SGIP1: variants seen among roughly 807,000 people sequenced by gnomAD.
SGIP1 encodes the protein SH3-containing GRB2-like protein 3-interacting protein 1.
A neutral mutation model predicts 107.5 loss-of-function variants in SGIP1; 38 were observed. The ratio of observed to expected loss-of-function variants is 0.35; its 90% CI spans 0.27 to 0.46. The LOEUF is 0.46. Ranked by LOEUF, SGIP1 falls within the 20% of genes least tolerant of loss-of-function variation. SGIP1 has a pLI of 1.00. For missense variants in SGIP1, 929 were observed against 1,019.5 expected (o/e 0.91, Z 1.21); for synonymous variants, 365 against 366.1 (o/e 1.00, Z 0.03).
At chr1:66,729,563 T>A in intron 20 of SGIP1, 144 bp downstream of exon 20, 2 of 1,115,422 alleles carry the variant, frequency 1.8e-6, no homozygotes, top group Non-Finnish European at 1.3e-6. Flanking sequence ...AGCACAGAAC[T>A]TTTACCAGCT....
chr1:66,741,575 C>T, intron 24 of SGIP1, 139 bp downstream of exon 24: 3 of 824,458 alleles, frequency 3.6e-6, no homozygotes, highest in Non-Finnish European at 3.5e-6. Flanking sequence ...AGAAAACCAA[C>T]CAATTATTGA....
At chr1:66,533,883 C>G (rs1369478390), upstream of SGIP1, among the ~76,000 whole-genome samples, 1 of 151,894 alleles carries the variant, frequency 6.6e-6, no homozygotes. Context: ...GGCACCCAGC[C>G]GCTTCTGTAA....
chr1:66,581,287 T>C (rs1036871408), intron 1 of SGIP1, among the ~76,000 whole-genome samples: 3 of 152,030 alleles, frequency 2.0e-5, no homozygotes, highest in Non-Finnish European at 2.9e-5. Context: ...GCTTGAAAAA[T>C]TACTAGTTAT....
At chr1:66,706,350 T>C (rs1040527754) in intron 18 of SGIP1, among the ~76,000 whole-genome samples, 1 of 140,428 alleles carries the variant, frequency 7.1e-6, no homozygotes, top group African/African-American at 2.6e-5. Flanking sequence ...AAAATATAAA[T>C]AAATATTTAT....
At position 66,719,071 on chromosome 1, in the gene SGIP1, A is replaced by C. The variant is rs2093394372; in HGVS notation, c.1631-223A>C. Among the ~76,000 whole-genome samples, 3 of 152,292 alleles carry C rather than the reference A, an allele frequency of 2.0e-5. No individual in the cohort carries two copies. The South Asian group carries it at 6.2e-4, about 32-fold the overall frequency. ...GATTTTCTTCTCTGTAGCAAAATAC[A>C]TAATTGAATTAATTTCAAGTGTGTT... is the stretch of plus-strand genomic sequence containing the variant. On this transcript the variant is annotated intron_variant, in intron 18 of 24. Transcript: ENST00000371037.
chr1:66,681,797 T>C, intron 14 of SGIP1, 72 bp from the exon 15 acceptor site: 1 of 1,495,758 alleles, frequency 6.7e-7, no homozygotes, highest in Admixed American at 2.0e-5. Context: ...TTTCCAGTCT[T>C]TGCCTCCCTC....
chr1:66,643,439 T>C, intron 6 of SGIP1, 105 bp from the exon 7 acceptor site: 1 of 851,520 alleles, frequency 1.2e-6, no homozygotes, highest in South Asian at 1.7e-5. Context: ...TTTGATTTTC[T>C]GCCATCTAAG....
upstream of SGIP1, chr1:66,534,056 G>T: frequency 2.0e-6 from 1 of 494,732 alleles, no homozygotes; most frequent in Non-Finnish European, 3.6e-6. Context: ...ATGCAGGCTG[G>T]CTACCATGTG....
chr1:66,634,598 C>T (rs1048056777), intron 3 of SGIP1, among the ~76,000 whole-genome samples: 7 of 152,142 alleles, frequency 4.6e-5, no homozygotes, highest in African/African-American at 1.2e-4. Flanking sequence ...AATCATATGA[C>T]GTTCTTTATT....
chr1:66,590,078 C>A (rs182148343), intron 1 of SGIP1, among the ~76,000 whole-genome samples: 39 of 152,314 alleles, frequency 2.6e-4, no homozygotes, highest in African/African-American at 9.1e-4. Flanking sequence ...GCATCCCCTA[C>A]AACCACCACG....
chr1:66,669,628 CATA>C (rs1219580635), intron 9 of SGIP1, among the ~76,000 whole-genome samples: 5 of 152,168 alleles, frequency 3.3e-5, no homozygotes, highest in Non-Finnish European at 4.4e-5. Context: ...TCCAAACTTC[CATA>C]ATGTCCTCAG....
intron 1 of SGIP1, among the ~76,000 whole-genome samples, chr1:66,556,377 G>A (rs2058175177): frequency 6.6e-6 from 1 of 152,054 alleles, no homozygotes; most frequent in African/African-American, 2.4e-5. Context: ...CTACTTCCTG[G>A]AGCTTCTCTG....
chr1:66,697,371 C>T (rs1237625976), intron 18 of SGIP1, among the ~76,000 whole-genome samples: 29 of 152,056 alleles, frequency 1.9e-4, no homozygotes, highest in Non-Finnish European at 4.4e-5. Context: ...ACCCAAATTC[C>T]TTAAACATCT....
chr1:66,563,932 T>A (rs149304378), intron 1 of SGIP1, among the ~76,000 whole-genome samples: 119 of 152,130 alleles, frequency 7.8e-4, no homozygotes, highest in Admixed American at 3.1e-3. Context: ...AGGTCCTATC[T>A]AGGGCAGCCA....
chr1:66,623,161 T>C (rs1305402128), intron 1 of SGIP1, among the ~76,000 whole-genome samples: 1 of 152,218 alleles, frequency 6.6e-6, no homozygotes, highest in Non-Finnish European at 1.5e-5. Flanking sequence ...TAACTTACTT[T>C]CATAACTTCA....
intron 8 of SGIP1, among the ~76,000 whole-genome samples, chr1:66,663,894 T>G (rs1196014597): frequency 6.6e-6 from 1 of 152,190 alleles, no homozygotes; most frequent in Admixed American, 6.5e-5. Flanking sequence ...TGTATAACCT[T>G]AAATTAAAAG....
intron 18 of SGIP1, among the ~76,000 whole-genome samples, 198 bp downstream of exon 18, chr1:66,695,691 T>C (rs1192569616): frequency 1.3e-5 from 2 of 152,226 alleles, no homozygotes; most frequent in Non-Finnish European, 2.9e-5. Context: ...TTCAATTTTT[T>C]CACATTAAAA....
intron 19 of SGIP1, among the ~76,000 whole-genome samples, chr1:66,729,031 A>G (rs1031468620): frequency 6.6e-6 from 1 of 152,144 alleles, no homozygotes; most frequent in African/African-American, 2.4e-5. Context: ...AGGTGACAAA[A>G]TAATCTGTAC....
At chr1:66,614,571 G>T in intron 1 of SGIP1, among the ~76,000 whole-genome samples, 1 of 151,930 alleles carries the variant, frequency 6.6e-6, no homozygotes, top group Admixed American at 6.6e-5. Flanking sequence ...TTTATCTGAT[G>T]GCTGATTTTT....
Sources: allele counts gnomAD v4.1 joint callset (sites outside exome capture counted in the v4.1 genomes callset), GRCh38; gene constraint gnomAD v4.1.1; transcripts MANE v1.5; gene names NCBI Gene and HGNC (gene_info 2026-07-23, HGNC 2026-07-21).